Variants in SPOCK1 observed in about 807,000 individuals in gnomAD.
SPOCK1 encodes testican-1.
Under a neutral mutation model 55.3 loss-of-function variants are expected in SPOCK1, and 23 were observed. The ratio of observed to expected loss-of-function variants is 0.42; its 90% CI spans 0.30 to 0.59. The LOEUF (loss-of-function observed/expected upper bound fraction) is 0.59. Among genes scored for constraint, SPOCK1 ranks in the 20% least tolerant of loss-of-function variants. The pLI is 0.22. For missense variants in SPOCK1, 499 were observed against 552.5 expected (o/e 0.90, Z 0.97); for synonymous variants, 226 against 221.0 (o/e 1.02, Z -0.20).
At chr5:137,044,807 C>A (rs1404759272) in intron 6 of SPOCK1, among the ~76,000 whole-genome samples, 7 of 134,590 alleles carry the variant, frequency 5.2e-5, no homozygotes, top group African/African-American at 8.3e-5. Context: ...CCCGACCCCA[C>A]CACAGTCCCC....
At chr5:137,169,004 T>A (rs1754699067) in intron 3 of SPOCK1, among the ~76,000 whole-genome samples, 1 of 152,018 alleles carries the variant, frequency 6.6e-6, no homozygotes, top group Non-Finnish European at 1.5e-5. Flanking sequence ...CACAATGGAG[T>A]ACTATTCAGC....
chr5:137,194,150 T>C (rs1755248856), intron 3 of SPOCK1, among the ~76,000 whole-genome samples: 2 of 152,246 alleles, frequency 1.3e-5, no homozygotes, highest in South Asian at 4.1e-4. Context: ...ATTCCTGGGC[T>C]GCTGGCAGAA....
intron 3 of SPOCK1, among the ~76,000 whole-genome samples, chr5:137,168,472 C>T (rs1208044458): frequency 6.6e-6 from 1 of 151,890 alleles, no homozygotes; most frequent in Admixed American, 6.6e-5. Context: ...GGATTAATAA[C>T]CAAAATATAT....
chr5:137,122,114 AAG>A (rs1681729068), intron 4 of SPOCK1, among the ~76,000 whole-genome samples: 1 of 151,976 alleles, frequency 6.6e-6, no homozygotes, highest in African/African-American at 2.4e-5. Context: ...ACTTTCCATT[AAG>A]AGAGTGACAG....
At chr5:137,117,257 G>C (rs556962388) in intron 4 of SPOCK1, among the ~76,000 whole-genome samples, 6 of 152,148 alleles carry the variant, frequency 3.9e-5, no homozygotes, top group South Asian at 4.1e-4. Context: ...AAGTCTATAG[G>C]ACTGGACAAT....
chr5:137,167,464 T>C (rs1455002460), intron 3 of SPOCK1, among the ~76,000 whole-genome samples: 2 of 146,428 alleles, frequency 1.4e-5, no homozygotes, highest in Non-Finnish European at 3.1e-5. Flanking sequence ...ATAGACCAAA[T>C]GAATCTAGTA....
chr5:137,182,876 G>A (rs1215373973), intron 3 of SPOCK1, among the ~76,000 whole-genome samples: 1 of 152,160 alleles, frequency 6.6e-6, no homozygotes, highest in Non-Finnish European at 1.5e-5. Context: ...CTGCCTTTCA[G>A]TTCCAGGTCA....
At chr5:137,295,532 T>C (rs535738779) in intron 2 of SPOCK1, among the ~76,000 whole-genome samples, 2 of 152,306 alleles carry the variant, frequency 1.3e-5, no homozygotes, top group South Asian at 4.2e-4. Flanking sequence ...AATACAACTT[T>C]ATCACTTCTG....
intron 2 of SPOCK1, among the ~76,000 whole-genome samples, chr5:137,451,709 T>C (rs17171413): frequency 0.046 from 7,025 of 152,314 alleles, 300 homozygotes; most frequent in African/African-American, 0.11. Flanking sequence ...ACATACATTT[T>C]ATGCCTCCAC....
intron 3 of SPOCK1, among the ~76,000 whole-genome samples, chr5:137,143,369 G>A (rs937654228): frequency 1.3e-5 from 2 of 152,116 alleles, no homozygotes; most frequent in African/African-American, 2.4e-5. Flanking sequence ...TGGTCTCAAC[G>A]GACAGTGCAA....
intron 2 of SPOCK1, among the ~76,000 whole-genome samples, chr5:137,428,047 C>A (rs917619067): frequency 1.3e-5 from 2 of 152,098 alleles, no homozygotes; most frequent in Non-Finnish European, 2.9e-5. Flanking sequence ...CTGTAGAACC[C>A]AGAAGTTTTC....
intron 2 of SPOCK1, among the ~76,000 whole-genome samples, chr5:137,387,559 A>C (rs1751621702): frequency 1.3e-5 from 2 of 152,248 alleles, no homozygotes; most frequent in Admixed American, 6.5e-5. Context: ...ACAATACTGT[A>C]TGAGCACAGG....
intron 4 of SPOCK1, among the ~76,000 whole-genome samples, chr5:137,128,499 G>C (rs1753818159): frequency 6.6e-6 from 1 of 152,170 alleles, no homozygotes. Context: ...ACTATGTACT[G>C]GTACTAAGCT....
At chr5:137,082,384 T>A (rs566336070) in intron 5 of SPOCK1, among the ~76,000 whole-genome samples, 10 of 152,122 alleles carry the variant, frequency 6.6e-5, no homozygotes, top group Admixed American at 2.6e-4. Context: ...AACAAGCTAT[T>A]GGGATAAGAT....
chr5:137,102,965 T>G (rs999195692), intron 5 of SPOCK1, among the ~76,000 whole-genome samples: 1 of 152,296 alleles, frequency 6.6e-6, no homozygotes, highest in Non-Finnish European at 1.5e-5. Context: ...AACCCCAATA[T>G]CTACTCTGCT....
At chr5:137,301,422 A>G (rs756124403) in intron 2 of SPOCK1, among the ~76,000 whole-genome samples, 21 of 152,170 alleles carry the variant, frequency 1.4e-4, no homozygotes, top group Non-Finnish European at 1.9e-4. Flanking sequence ...AGGTAGTACC[A>G]TATTCTGCCA....
intron 4 of SPOCK1, among the ~76,000 whole-genome samples, chr5:137,112,813 C>G (rs1416962374): frequency 6.8e-6 from 1 of 146,304 alleles, no homozygotes; most frequent in African/African-American, 2.5e-5. Flanking sequence ...AACATGACTA[C>G]TGACATGGGA....
intron 2 of SPOCK1, among the ~76,000 whole-genome samples, chr5:137,301,144 C>T (rs917561728): frequency 1.3e-5 from 2 of 152,160 alleles, no homozygotes; most frequent in African/African-American, 4.8e-5. Flanking sequence ...TCTTTTACAG[C>T]CTTGGAGCTC....
intron 3 of SPOCK1, among the ~76,000 whole-genome samples, chr5:137,178,997 G>A (rs1232662030): frequency 6.6e-6 from 1 of 152,216 alleles, no homozygotes; most frequent in Non-Finnish European, 1.5e-5. Context: ...TGTTGGGTAG[G>A]GAATGGTGAC....
Sources: gnomAD v4.1 joint callset for allele counts (sites outside exome capture counted in the v4.1 genomes callset) on GRCh38, gnomAD v4.1.1 for gene constraint, MANE v1.5 for transcripts, NCBI Gene and HGNC (gene_info 2026-07-23, HGNC 2026-07-21) for gene names.